Variants in KCNG2 observed in about 807,000 individuals in gnomAD.
KCNG2 encodes the protein voltage-gated potassium channel regulatory subunit KCNG2.
Under a neutral mutation model 12.3 loss-of-function variants are expected in KCNG2, and 7 were observed. The observed-to-expected ratio is 0.57, with a 90% CI of 0.32 to 1.07. The LOEUF is 1.07. Ranked by LOEUF, KCNG2 falls within the 50% of genes least tolerant of loss-of-function variation. The probability of loss-of-function intolerance (pLI) is 0.04; values close to 1 mark genes in which losing one functional copy is unlikely to be tolerated. For synonymous variants in KCNG2, 414 were observed against 351.4 expected, an observed-to-expected ratio of 1.18 and a Z score of -1.99; for missense variants, 703 against 726.0, an observed-to-expected ratio of 0.97 and a Z score of 0.36.
intron 1 of KCNG2, among the ~76,000 whole-genome samples, chr18:79,828,205 A>C (rs1317041416): frequency 2.0e-5 from 3 of 152,246 alleles, no homozygotes; most frequent in African/African-American, 7.2e-5. Context: ...GATTACAGGC[A>C]TGAGCCACTG....
chr18:79,899,730 G>C lies in KCNG2; in HGVS notation c.1315G>C (p.Ala439Pro), dbSNP rs760752482. ...GGAGGACAGCACGCACTCGGCCACA[G>C]CCACCGAGGACAGCTCGCAGGGCCC... is the stretch of plus-strand genomic sequence containing the variant. ...LQEDSTHSAT[A>P]TEDSSQGPDS... is the part of the protein sequence containing the mutation. Residue 439 changes from alanine (A) to proline (P), a missense_variant, in exon 4 of 4, where the codon GCC (alanine) becomes CCC (proline). Ala to Pro is a conservative substitution (Grantham distance 27). Coordinates refer to ENST00000316249, the MANE Select transcript of KCNG2 (RefSeq NM_012283.2). 6.2e-7 allele frequency: 1 copy of C among 1,600,354 alleles called. No individual in the cohort carries two copies.
At chr18:79,818,389 C>T (rs149427528) in intron 1 of KCNG2, among the ~76,000 whole-genome samples, 14 of 152,308 alleles carry the variant, frequency 9.2e-5, no homozygotes, top group East Asian at 7.7e-4. Flanking sequence ...GCGCCAGGGT[C>T]GACTGCAGAC....
chr18:79,801,465 C>T (rs1297358662), intron 1 of KCNG2, among the ~76,000 whole-genome samples: 3 of 152,356 alleles, frequency 2.0e-5, no homozygotes, highest in African/African-American at 7.2e-5. Flanking sequence ...CCCCGCACTG[C>T]CCACCCTTCA....
chr18:79,852,609 G>A (rs541411472), intron 1 of KCNG2, among the ~76,000 whole-genome samples: 92 of 152,366 alleles, frequency 6.0e-4, no homozygotes, highest in African/African-American at 2.1e-3. Context: ...TGACAGTGAC[G>A]ATCGCATTCC....
intron 3 of KCNG2, among the ~76,000 whole-genome samples, chr18:79,887,287 CAG>C (rs960906785): frequency 1.3e-5 from 2 of 151,946 alleles, no homozygotes; most frequent in African/African-American, 4.8e-5. Flanking sequence ...GGACAGGACA[CAG>C]GGACGGAAAT....
At chr18:79,871,585 G>A (rs780640268) in intron 3 of KCNG2, among the ~76,000 whole-genome samples, 10 of 152,172 alleles carry the variant, frequency 6.6e-5, no homozygotes, top group East Asian at 1.9e-4. Context: ...CGGGGCTGAC[G>A]TCTTGCGGCA....
intron 1 of KCNG2, among the ~76,000 whole-genome samples, chr18:79,853,879 C>T (rs958004193): frequency 3.3e-5 from 5 of 152,242 alleles, no homozygotes; most frequent in African/African-American, 9.6e-5. Context: ...GCAGGTGCCT[C>T]GACCCTGTGG....
At chr18:79,848,093 T>G (rs903852184) in intron 1 of KCNG2, among the ~76,000 whole-genome samples, 3 of 152,056 alleles carry the variant, frequency 2.0e-5, no homozygotes, top group African/African-American at 7.2e-5. Flanking sequence ...TTGCAGAGCT[T>G]CTCCCGGTGA....
chr18:79,892,548 CTG>C (rs1980779998), intron 3 of KCNG2, among the ~76,000 whole-genome samples: 4 of 152,166 alleles, frequency 2.6e-5, no homozygotes. Flanking sequence ...ATAGTTGGGT[CTG>C]TGTCTGCTTT....
At position 79,863,927 on chromosome 18, in the gene KCNG2, C is replaced by A. The variant is rs2123067737; in HGVS notation, c.260C>A (p.Ala87Glu). ...AFRAIVALLR[A>E]GKLRLLRGPC... ...CGCGCCATCGTGGCGCTTTTGCGCG[C>A]AGGGAAGCTGCGACTGCTGCGGGGC... The change falls in exon 3 of 4, where the codon GCA (alanine) becomes GAA (glutamate). Residue 87 changes from alanine (A) to glutamate (E), a missense_variant. Coordinates refer to ENST00000316249, the MANE Select transcript of KCNG2 (RefSeq NM_012283.2). The A allele has an allele frequency of 7.3e-7, 1 of 1,374,910 alleles. No individual in the cohort carries two copies. The highest frequency in any genetic ancestry group is 3.1e-5 in the East Asian group (1 of 32,756). The allele number at this position is 1,374,910 out of a possible 1,614,324, so 85.2% of individuals were successfully genotyped here.
intron 3 of KCNG2, among the ~76,000 whole-genome samples, chr18:79,887,396 G>A (rs575551354): frequency 2.0e-5 from 3 of 152,160 alleles, no homozygotes; most frequent in East Asian, 1.9e-4. Flanking sequence ...CCTTGGGGCC[G>A]ACCTGTGCTG....
At chr18:79,866,466 A>G (rs1478839039) in intron 3 of KCNG2, among the ~76,000 whole-genome samples, 2 of 78,578 alleles carry the variant, frequency 2.5e-5, no homozygotes, top group African/African-American at 1.1e-4. Context: ...GTGGGTGCTG[A>G]GGTCTGGGTG....
chr18:79,810,833 G>A (rs1464974376), intron 1 of KCNG2, among the ~76,000 whole-genome samples: 1 of 152,182 alleles, frequency 6.6e-6, no homozygotes, highest in Non-Finnish European at 1.5e-5. Flanking sequence ...TCTGAATGAT[G>A]AGGACTGTCC....
intron 1 of KCNG2, among the ~76,000 whole-genome samples, chr18:79,813,662 G>C (rs1186152277): frequency 6.6e-6 from 1 of 152,170 alleles, no homozygotes; most frequent in Non-Finnish European, 1.5e-5. Context: ...TTCTAGAAAA[G>C]ATAGGGGAAA....
chr18:79,863,373 T>C (rs1168544473), intron 2 of KCNG2, among the ~76,000 whole-genome samples: 1 of 152,262 alleles, frequency 6.6e-6, no homozygotes, highest in Non-Finnish European at 1.5e-5. Context: ...TCCCCTAGTG[T>C]AAGAACCCGG....
intron 3 of KCNG2, among the ~76,000 whole-genome samples, chr18:79,879,758 C>T (rs929326590): frequency 5.9e-5 from 9 of 152,044 alleles, no homozygotes; most frequent in Admixed American, 1.3e-4. Context: ...AACCAGTGCA[C>T]GAATCCCCCA....
chr18:79,898,035 C>G (rs187276148), intron 3 of KCNG2, among the ~76,000 whole-genome samples: 299 of 152,272 alleles, frequency 2.0e-3, no homozygotes, highest in Non-Finnish European at 2.7e-3. Flanking sequence ...TGTCTTCTCC[C>G]CTCATTCCCC....
At chr18:79,828,843 TGTGC>T (rs1241174535) in intron 1 of KCNG2, among the ~76,000 whole-genome samples, 1 of 134,008 alleles carries the variant, frequency 7.5e-6, no homozygotes, top group African/African-American at 3.0e-5. Flanking sequence ...GTCCATGATG[TGTGC>T]ATGTGTCTGT....
chr18:79,834,886 C>A (rs554239564), intron 1 of KCNG2, among the ~76,000 whole-genome samples: 3 of 152,224 alleles, frequency 2.0e-5, no homozygotes, highest in Non-Finnish European at 4.4e-5. Flanking sequence ...AACTCAGGAG[C>A]CATGCTGGGT....
Sources: allele counts gnomAD v4.1 joint callset (sites outside exome capture counted in the v4.1 genomes callset), GRCh38; gene constraint gnomAD v4.1.1; transcripts MANE v1.5; gene names NCBI Gene and HGNC (gene_info 2026-07-23, HGNC 2026-07-21).